IL17RB: variants seen among roughly 807,000 people sequenced by gnomAD.
IL17RB encodes interleukin 17 receptor B.
Under a neutral mutation model 43.9 loss-of-function variants are expected in IL17RB, and 36 were observed. The ratio of observed to expected loss-of-function variants is 0.82; its 90% CI spans 0.63 to 1.08. The LOEUF is 1.08. Ranked by LOEUF, IL17RB falls within the 50% of genes least tolerant of loss-of-function variation. IL17RB has a pLI of 0.00. For synonymous variants in IL17RB, 225 were observed against 225.4 expected (o/e 1.00, Z 0.02); for missense variants, 613 against 613.6 (o/e 1.00, Z 0.01).
At chr3:53,847,633 A>C (rs924251208) in intron 1 of IL17RB, among the ~76,000 whole-genome samples, 2 of 152,032 alleles carry the variant, frequency 1.3e-5, no homozygotes, top group Non-Finnish European at 2.9e-5. Flanking sequence ...GTCTCTACTA[A>C]AAATACAAAA....
intron 2 of IL17RB, 79 bp downstream of exon 2, chr3:53,848,767 A>G (rs565147147): frequency 4.9e-6 from 7 of 1,439,608 alleles, no homozygotes; most frequent in Middle Eastern, 1.7e-4. Flanking sequence ...AATATAGGCA[A>G]TAGGTCATCG....
At chr3:53,858,352 C>T in intron 8 of IL17RB, 1 of 1,036,756 alleles carries the variant, frequency 9.6e-7, no homozygotes, top group Non-Finnish European at 1.2e-6. Context: ...ACTACAGGGA[C>T]TTGCATGTCC....
At chr3:53,852,227 A>C (rs1251028226) in intron 4 of IL17RB, 101 bp downstream of exon 4, 3 of 1,067,358 alleles carry the variant, frequency 2.8e-6, no homozygotes, top group Non-Finnish European at 4.2e-6. Flanking sequence ...CTGCGACCTC[A>C]ATCTTCTGGG....
Position 53,860,121 on chromosome 3 carries a change from T to G in IL17RB, c.848-9T>G, listed in dbSNP as rs756853965. The G allele has an allele frequency of 1.2e-6, 2 of 1,610,626 alleles. No homozygotes were observed. Among genetic ancestry groups the G allele is most frequent in the Admixed American group, 1.7e-5 (1 of 59,502 alleles). On this transcript the variant is annotated splice_polypyrimidine_tract_variant and intron_variant, in intron 9 of 10. Transcript: ENST00000288167. Reference sequence around the variant, plus strand: ...TTTTCCAAAGGTGAATAAGCTTTGTTTTTTCCAGACAAAAGCAAGCCGGGA... The same window carrying G: ...TTTTCCAAAGGTGAATAAGCTTTGTGTTTTCCAGACAAAAGCAAGCCGGGA...
chr3:53,858,508 C>T lies in IL17RB; in HGVS notation c.748-211C>T, dbSNP rs560491173. ...AACGTGTACAAAGTTTAGGTTCAGA[C>T]CCCGGGAGTCTTGGGCACGTGGGTC... is the stretch of plus-strand genomic sequence containing the variant. On this transcript the variant is annotated intron_variant, in intron 8 of 10. Coordinates refer to ENST00000288167, the MANE Select transcript of IL17RB (RefSeq NM_018725.4). 5 of 1,408,396 alleles carry T rather than the reference C, an allele frequency of 3.6e-6. No homozygotes were observed. In the East Asian group the frequency reaches 1.3e-4, roughly 37 times the overall value. 87.2% of individuals were successfully genotyped at this position (1,408,396 alleles called of 1,614,324 possible). A position where few individuals can be genotyped will look rare whatever the true frequency, so the allele number is the denominator to read the frequency against.
At chr3:53,860,962 G>A (rs1699542480) in intron 10 of IL17RB, 1 of 152,110 alleles carries the variant, frequency 6.6e-6, no homozygotes, top group African/African-American at 2.4e-5. Flanking sequence ...ATAAAGATGT[G>A]GTATTAAATC....
chr3:53,847,667 G>A (rs1217863647), intron 1 of IL17RB, among the ~76,000 whole-genome samples: 1 of 151,924 alleles, frequency 6.6e-6, no homozygotes, highest in Non-Finnish European at 1.5e-5. Context: ...GGTGGCAGGC[G>A]CCTGTAATCC....
In IL17RB at chr3:53,853,092, T is replaced by C. The variant is rs191931127; in HGVS notation, c.481+95T>C. The stretch of plus-strand genomic sequence containing the variant: ...AGCCCAGGGAACCCTGGATAAGGCT[T>C]TTGGCCTTGCTAAATCTCAGTTCCC... On this transcript the variant is annotated intron_variant, in intron 5 of 10. Transcript: ENST00000288167. 2,260 of 1,444,792 alleles carry C rather than the reference T, an allele frequency of 1.6e-3. 19 individuals are homozygous for C. Among genetic ancestry groups the C allele is most frequent in the Middle Eastern group, 0.015 (65 of 4,456 alleles). 89.5% of individuals were successfully genotyped at this position (1,444,792 alleles called of 1,614,324 possible).
intron 10 of IL17RB, 39 bp from the exon 11 acceptor site, chr3:53,864,707 T>C (rs1699716651): frequency 7.0e-7 from 1 of 1,433,982 alleles, no homozygotes; most frequent in Admixed American, 1.8e-5. Flanking sequence ...GCCTGCTGTT[T>C]GCTGTTCACA....
At chr3:53,853,229 A>G (rs1024336376) in intron 5 of IL17RB, among the ~76,000 whole-genome samples, 11 of 152,220 alleles carry the variant, frequency 7.2e-5, no homozygotes, top group African/African-American at 2.7e-4. Context: ...CACTGTGCTG[A>G]ATACTTGATA....
At chr3:53,853,731 A>G (rs1182814367) in intron 5 of IL17RB, among the ~76,000 whole-genome samples, 3 of 152,238 alleles carry the variant, frequency 2.0e-5, no homozygotes. Context: ...CATCAAAGCC[A>G]AACGGTAATT....
chr3:53,852,197 A>C, intron 4 of IL17RB, 71 bp downstream of exon 4: 2 of 1,410,130 alleles, frequency 1.4e-6, no homozygotes, highest in Non-Finnish European at 2.0e-6. Context: ...GCTGGAGTGC[A>C]GTGGTGCGAT....
At chr3:53,855,632 A>C (rs906412883) in intron 6 of IL17RB, among the ~76,000 whole-genome samples, 1 of 152,178 alleles carries the variant, frequency 6.6e-6, no homozygotes, top group Non-Finnish European at 1.5e-5. Context: ...TTTTAGCCCA[A>C]ATGGCTCAGC....
At position 53,864,394 on chromosome 3, in the gene IL17RB, G is replaced by T. The variant is rs569306035; in HGVS notation, c.947-352G>T. Among the ~76,000 whole-genome samples the T allele has an allele frequency of 3.3e-5, 5 of 152,258 alleles. No homozygotes were observed. The East Asian group carries it at 9.7e-4, about 30-fold the overall frequency. On this transcript the variant is annotated intron_variant, in intron 10 of 10. Transcript: ENST00000288167. ...TACTAAAAGTACAAAAATTAGCCAG[G>T]CGTGGTGGCGGGCGCCTGTAGTCCC... is the stretch of plus-strand genomic sequence containing the variant.
intron 3 of IL17RB, among the ~76,000 whole-genome samples, chr3:53,851,085 G>A (rs1480625775): frequency 6.6e-6 from 1 of 152,192 alleles, no homozygotes; most frequent in Non-Finnish European, 1.5e-5. Context: ...CCCAGATGAC[G>A]TCACGAAGCT....
chr3:53,858,479 T>A, intron 8 of IL17RB: 1 of 1,368,142 alleles, frequency 7.3e-7, no homozygotes, highest in South Asian at 1.6e-5. Context: ...ACTGGTATGT[T>A]AGTAACGTGT....
intron 4 of IL17RB, among the ~76,000 whole-genome samples, chr3:53,852,635 T>C (rs1476455309): frequency 6.6e-6 from 1 of 152,222 alleles, no homozygotes; most frequent in Admixed American, 6.5e-5. Context: ...GCCTCAGTTT[T>C]TCCCTACCAG....
intron 9 of IL17RB, 24 bp from the exon 10 acceptor site, chr3:53,860,106 G>A (rs753146330): frequency 1.9e-6 from 3 of 1,554,540 alleles, no homozygotes; most frequent in African/African-American, 1.4e-5. Flanking sequence ...TTTTCCAAAG[G>A]TGAATAAGCT....
chr3:53,849,110 G>C (rs1266081201), intron 2 of IL17RB, among the ~76,000 whole-genome samples: 1 of 152,228 alleles, frequency 6.6e-6, no homozygotes, highest in African/African-American at 2.4e-5. Context: ...CTGGAGGAGA[G>C]ATGGCACCAG....
Sources: gnomAD v4.1 joint callset for allele counts (sites outside exome capture counted in the v4.1 genomes callset) on GRCh38, gnomAD v4.1.1 for gene constraint, MANE v1.5 for transcripts, NCBI Gene and HGNC (gene_info 2026-07-23, HGNC 2026-07-21) for gene names.